Variants in CACNA2D3 observed in about 807,000 individuals in gnomAD.
The protein encoded by CACNA2D3 is voltage-dependent calcium channel subunit alpha-2/delta-3.
CACNA2D3 carries 60 observed loss-of-function variants against 160.6 expected under a neutral mutation model. The ratio of observed to expected loss-of-function variants is 0.37; its 90% CI spans 0.30 to 0.46. CACNA2D3 has a LOEUF of 0.46. CACNA2D3 is among the 20% of genes least tolerant of loss of function. The pLI is 1.00. For synonymous variants in CACNA2D3, 558 were observed against 492.9 expected, an observed-to-expected ratio of 1.13 and a Z score of -1.75; for missense variants, 1,205 against 1,365.0, an observed-to-expected ratio of 0.88 and a Z score of 1.85.
At chr3:54,222,920 T>A (rs1701602431) in intron 2 of CACNA2D3, among the ~76,000 whole-genome samples, 1 of 152,238 alleles carries the variant, frequency 6.6e-6, no homozygotes, top group African/African-American at 2.4e-5. Context: ...ATGGAATTAC[T>A]GATATGTTTG....
chr3:55,050,419 T>A (rs1186523916), intron 35 of CACNA2D3, among the ~76,000 whole-genome samples: 15 of 151,676 alleles, frequency 9.9e-5, no homozygotes, highest in African/African-American at 3.4e-4. Context: ...TTTAAGAATG[T>A]TGAATATTGG....
intron 34 of CACNA2D3, among the ~76,000 whole-genome samples, chr3:55,013,236 A>C (rs13326435): frequency 0.021 from 3,172 of 152,230 alleles, 113 homozygotes; most frequent in African/African-American, 0.072. Flanking sequence ...TTTGCCACCA[A>C]GCCTCTCTGA....
In CACNA2D3 at chr3:54,686,788, A is replaced by T. The variant is rs1455615845; in HGVS notation, c.1167+44547A>T. Among the ~76,000 whole-genome samples the T allele has an allele frequency of 2.0e-5, 3 of 152,336 alleles. No homozygotes were observed. In the East Asian group the frequency reaches 5.8e-4, roughly 29 times the overall value. On this transcript the variant is annotated intron_variant, in intron 11 of 37. Transcript: ENST00000474759. ...TTTGGCAATTGCTGTGATTAAAAAAACAAGTATTATGGAAAAATTAATGTG... is the reference window on the plus strand; with the variant it reads ...TTTGGCAATTGCTGTGATTAAAAAATCAAGTATTATGGAAAAATTAATGTG...
intron 9 of CACNA2D3, among the ~76,000 whole-genome samples, chr3:54,603,526 A>G (rs943396929): frequency 1.3e-5 from 2 of 152,198 alleles, no homozygotes; most frequent in African/African-American, 2.4e-5. Context: ...GGCAGGATCT[A>G]TCTTTCGTCC....
At chr3:54,924,999 C>T (rs750814229) in intron 27 of CACNA2D3, 2 of 1,613,900 alleles carry the variant, frequency 1.2e-6, no homozygotes, top group Non-Finnish European at 1.7e-6. Flanking sequence ...GGTCATGAGC[C>T]ATGGCACTGA....
chr3:54,774,956 C>G (rs1702399064), intron 13 of CACNA2D3, among the ~76,000 whole-genome samples: 1 of 152,132 alleles, frequency 6.6e-6, no homozygotes, highest in Non-Finnish European at 1.5e-5. Context: ...CTCTTATTGG[C>G]TTAATTCCCA....
intron 4 of CACNA2D3, among the ~76,000 whole-genome samples, chr3:54,390,250 T>C (rs564132102): frequency 6.6e-6 from 1 of 152,358 alleles, no homozygotes; most frequent in African/African-American, 2.4e-5. Flanking sequence ...GAAGCTATTA[T>C]TATTTTCCAA....
At position 54,764,483 on chromosome 3, in the gene CACNA2D3, G is replaced by T. The variant is rs907230667; in HGVS notation, c.1380+132G>T. 3 of 1,110,450 alleles carry T rather than the reference G, an allele frequency of 2.7e-6. No individual in the cohort carries two copies. The African/African-American group carries it at 4.7e-5, about 17-fold the overall frequency. 68.8% of individuals were successfully genotyped at this position (1,110,450 alleles called of 1,614,324 possible). On this transcript the variant is annotated intron_variant, in intron 13 of 37. Coordinates refer to ENST00000474759, the MANE Select transcript of CACNA2D3 (RefSeq NM_018398.3). ...GACACTTTTCTTGATTGTTTGTATA[G>T]TGTTGGTCACCTTGACAAGCAAAGT...
intron 5 of CACNA2D3, among the ~76,000 whole-genome samples, chr3:54,534,018 C>T (rs1421591249): frequency 6.6e-6 from 1 of 152,188 alleles, no homozygotes; most frequent in African/African-American, 2.4e-5. Flanking sequence ...CTTGCACACA[C>T]CCACATCCTG....
intron 5 of CACNA2D3, among the ~76,000 whole-genome samples, chr3:54,560,285 G>GTA: frequency 6.6e-6 from 1 of 152,278 alleles, no homozygotes; most frequent in East Asian, 1.9e-4. Context: ...ATTCTGACTG[G>GTA]TATGAGACAG....
chr3:55,006,760 A>G (rs186090847), intron 32 of CACNA2D3, among the ~76,000 whole-genome samples: 1 of 152,222 alleles, frequency 6.6e-6, no homozygotes, highest in Admixed American at 6.5e-5. Context: ...AAGTTTTGAG[A>G]ATGATTGGGG....
chr3:54,532,492 A>T (rs1487272809), intron 5 of CACNA2D3, among the ~76,000 whole-genome samples: 5 of 152,158 alleles, frequency 3.3e-5, no homozygotes, highest in Admixed American at 6.5e-5. Context: ...CTATTATTTC[A>T]TTCTCTATGT....
At chr3:54,534,615 T>TA (rs561979466) in intron 5 of CACNA2D3, among the ~76,000 whole-genome samples, 101 of 143,296 alleles carry the variant, frequency 7.0e-4, no homozygotes, top group Middle Eastern at 3.5e-3. Flanking sequence ...ACCAACTTCT[T>TA]AAAAAAAAAA....
At chr3:54,954,768 T>G (rs918147891) in intron 27 of CACNA2D3, among the ~76,000 whole-genome samples, 2 of 152,138 alleles carry the variant, frequency 1.3e-5, no homozygotes, top group Non-Finnish European at 2.9e-5. Flanking sequence ...TGTCCTCCCT[T>G]CCCTGAGGCC....
chr3:54,304,478 T>TA (rs994737058), intron 2 of CACNA2D3, among the ~76,000 whole-genome samples: 15 of 152,214 alleles, frequency 9.9e-5, no homozygotes, highest in Admixed American at 5.2e-4. Flanking sequence ...ACTTTGATTG[T>TA]AAAAAAACAA....
intron 18 of CACNA2D3, among the ~76,000 whole-genome samples, chr3:54,871,871 G>A (rs551735683): frequency 8.5e-5 from 13 of 152,284 alleles, no homozygotes; most frequent in Middle Eastern, 3.4e-3. Context: ...ATCCCCCTGC[G>A]GACGCTGGTC....
intron 2 of CACNA2D3, among the ~76,000 whole-genome samples, chr3:54,269,142 G>T (rs1317346604): frequency 6.6e-6 from 1 of 152,082 alleles, no homozygotes; most frequent in Non-Finnish European, 1.5e-5. Context: ...CACAGTTTGG[G>T]GCCTGGATGT....
chr3:55,004,731 T>C (rs1490951524), intron 31 of CACNA2D3, 32 bp from the exon 32 acceptor site: 5 of 1,482,504 alleles, frequency 3.4e-6, no homozygotes, highest in Non-Finnish European at 3.8e-6. Flanking sequence ...TTTTCTCATT[T>C]AGTGAAGCTC....
chr3:54,400,950 A>C (rs181041597), intron 4 of CACNA2D3, among the ~76,000 whole-genome samples: 2 of 152,322 alleles, frequency 1.3e-5, no homozygotes, highest in East Asian at 3.9e-4. Flanking sequence ...AATGATTGTG[A>C]GGAAACTCTG....
Sources: allele counts gnomAD v4.1 joint callset (sites outside exome capture counted in the v4.1 genomes callset), GRCh38; gene constraint gnomAD v4.1.1; transcripts MANE v1.5; gene names NCBI Gene and HGNC (gene_info 2026-07-23, HGNC 2026-07-21).